AKAP7: variants seen among roughly 807,000 people sequenced by gnomAD.
AKAP7 encodes the protein A-kinase anchoring protein 7.
A neutral mutation model predicts 39.5 loss-of-function variants in AKAP7; 39 were observed. That is an observed-to-expected ratio of 0.99 (90% confidence interval 0.76 to 1.29). The LOEUF (loss-of-function observed/expected upper bound fraction) is 1.29, where lower values mean the gene tolerates loss of function less well. AKAP7 is among the 50% of genes most tolerant of loss of function. AKAP7 has a pLI of 0.00. For missense variants in AKAP7, 414 were observed against 407.7 expected (o/e 1.02, Z -0.13); for synonymous variants, 140 against 139.1 (o/e 1.01, Z -0.05).
In AKAP7 at chr6:131,282,393, T is replaced by C. The variant is rs1477517824; in HGVS notation, c.*667T>C. On this transcript the variant is annotated 3_prime_UTR_variant, in exon 8 of 8. Coordinates refer to ENST00000431975, the MANE Select transcript of AKAP7 (RefSeq NM_016377.4). The stretch of plus-strand genomic sequence containing the variant: ...GAAATGTTATTATATAATTTTTTTT[T>C]CTTAGGCAAGAAACCTATTGGAATT... The C allele has an allele frequency of 4.8e-6, 7 of 1,453,406 alleles. No individual in the cohort carries two copies. Among genetic ancestry groups the C allele is most frequent in the South Asian group, 1.5e-5 (1 of 68,082 alleles). The allele number at this position is 1,453,406 out of a possible 1,614,324, so 90.0% of individuals were successfully genotyped here.
chr6:131,260,166 GGT>G (rs1468245272), intron 7 of AKAP7, among the ~76,000 whole-genome samples: 1 of 152,016 alleles, frequency 6.6e-6, no homozygotes, highest in Admixed American at 6.5e-5. Context: ...AGTATTCCAT[GGT>G]GTATATGTAC....
chr6:131,159,976 C>G, intron 2 of AKAP7, 83 bp from the exon 3 acceptor site: 1 of 1,256,054 alleles, frequency 8.0e-7, no homozygotes. Context: ...ATGATTGCTA[C>G]TTATATATTG....
intron 7 of AKAP7, among the ~76,000 whole-genome samples, chr6:131,243,799 A>C (rs1330094749): frequency 6.6e-6 from 1 of 152,164 alleles, no homozygotes; most frequent in African/African-American, 2.4e-5. Context: ...TGTTGTTTAC[A>C]TTGTTAAACT....
intron 3 of AKAP7, among the ~76,000 whole-genome samples, chr6:131,163,805 C>A (rs183192302): frequency 1.3e-5 from 2 of 152,024 alleles, no homozygotes; most frequent in African/African-American, 4.8e-5. Context: ...TACAGTAAAT[C>A]CTAAATGTTT....
intron 7 of AKAP7, among the ~76,000 whole-genome samples, chr6:131,256,167 G>A (rs890460473): frequency 6.6e-6 from 1 of 152,230 alleles, no homozygotes; most frequent in Non-Finnish European, 1.5e-5. Context: ...GAGGTATTGT[G>A]TGTAACCTGA....
the AKAP7 span, among the ~76,000 whole-genome samples, chr6:131,127,379 A>C: frequency 6.6e-6 from 1 of 152,210 alleles, no homozygotes; most frequent in Non-Finnish European, 1.5e-5. Flanking sequence ...TCATGATGGC[A>C]CTTGGACATT....
At chr6:131,271,573 G>A (rs903776616) in intron 7 of AKAP7, among the ~76,000 whole-genome samples, 6 of 152,142 alleles carry the variant, frequency 3.9e-5, no homozygotes, top group African/African-American at 1.4e-4. Flanking sequence ...TTTTTAAAGA[G>A]ATGGAGTCTT....
chr6:131,174,798 T>A (rs1387120415), intron 5 of AKAP7, among the ~76,000 whole-genome samples: 2 of 152,218 alleles, frequency 1.3e-5, no homozygotes, highest in Non-Finnish European at 2.9e-5. Context: ...ATTAAAATTT[T>A]GTTCATTCAA....
At chr6:131,224,459 A>G (rs985012025) in intron 7 of AKAP7, among the ~76,000 whole-genome samples, 1 of 152,122 alleles carries the variant, frequency 6.6e-6, no homozygotes, top group Non-Finnish European at 1.5e-5. Context: ...GAGTTCTAGG[A>G]TAGAAATTGG....
chr6:131,267,090 C>A (rs1813863451), intron 7 of AKAP7, among the ~76,000 whole-genome samples: 1 of 152,098 alleles, frequency 6.6e-6, no homozygotes, highest in Admixed American at 6.6e-5. Context: ...TAGGATTAGT[C>A]AGCTGAGTTA....
At chr6:131,239,307 G>T (rs1422587921) in intron 7 of AKAP7, among the ~76,000 whole-genome samples, 1 of 152,174 alleles carries the variant, frequency 6.6e-6, no homozygotes, top group Non-Finnish European at 1.5e-5. Flanking sequence ...CCCTTTGTGG[G>T]TAACCCAACC....
At chr6:131,188,318 AT>A (rs1178444083) in intron 5 of AKAP7, among the ~76,000 whole-genome samples, 1 of 152,202 alleles carries the variant, frequency 6.6e-6, no homozygotes, top group Non-Finnish European at 1.5e-5. Context: ...TTAAATGTTA[AT>A]AGTAATATTA....
At chr6:131,200,848 A>G (rs1299237273) in intron 6 of AKAP7, 1 of 152,122 alleles carries the variant, frequency 6.6e-6, no homozygotes, top group Non-Finnish European at 1.5e-5. Context: ...TTTTGCTTTC[A>G]AATGGATTGT....
chr6:131,130,097 CAG>C, the AKAP7 span, among the ~76,000 whole-genome samples: 1 of 152,172 alleles, frequency 6.6e-6, no homozygotes, highest in Admixed American at 6.5e-5. Context: ...GTTTCAGGAA[CAG>C]TGTGGCAATC....
chr6:131,137,016 CACTGGCGCGATCA>C (rs1199862323), intron 1 of AKAP7, among the ~76,000 whole-genome samples: 2 of 152,174 alleles, frequency 1.3e-5, no homozygotes, highest in African/African-American at 2.4e-5. Context: ...GGTGGAAGTG[CACTGGCGCGATCA>C]TGGCTCACTG....
intron 5 of AKAP7, among the ~76,000 whole-genome samples, chr6:131,192,867 TTTCTTTTTCA>T (rs1806555430): frequency 6.6e-6 from 1 of 152,178 alleles, no homozygotes; most frequent in Non-Finnish European, 1.5e-5. Context: ...ACTTTTTGGA[TTTCTTTTTCA>T]GGTTGTTCAC....
At chr6:131,262,158 A>C (rs556926568) in intron 7 of AKAP7, among the ~76,000 whole-genome samples, 14 of 152,286 alleles carry the variant, frequency 9.2e-5, no homozygotes, top group Non-Finnish European at 1.6e-4. Flanking sequence ...AAAAGATGAA[A>C]ACTAGAGCCA....
intron 5 of AKAP7, among the ~76,000 whole-genome samples, chr6:131,186,619 C>T (rs1057386873): frequency 6.6e-6 from 1 of 152,084 alleles, no homozygotes; most frequent in African/African-American, 2.4e-5. Flanking sequence ...GATCAGGTCA[C>T]CAGAAGATTT....
chr6:131,126,317 A>G, the AKAP7 span, among the ~76,000 whole-genome samples: 1 of 152,218 alleles, frequency 6.6e-6, no homozygotes, highest in Non-Finnish European at 1.5e-5. Context: ...ACTAATTACA[A>G]TATTCCTTCA....
Sources: gnomAD v4.1 joint callset for allele counts (sites outside exome capture counted in the v4.1 genomes callset) on GRCh38, gnomAD v4.1.1 for gene constraint, MANE v1.5 for transcripts, NCBI Gene and HGNC (gene_info 2026-07-23, HGNC 2026-07-21) for gene names.